PALLD: variants seen among roughly 807,000 people sequenced by gnomAD.
PALLD encodes palladin.
Under a neutral mutation model 123.5 loss-of-function variants are expected in PALLD, and 61 were observed. That is an observed-to-expected ratio of 0.49 (90% CI 0.40 to 0.61). The LOEUF (loss-of-function observed/expected upper bound fraction) is 0.61. PALLD is among the 20% of genes least tolerant of loss of function. The pLI, the probability that PALLD is intolerant of heterozygous loss-of-function variation, is 0.00. For missense variants in PALLD, 1,273 were observed against 1,377.0 expected (o/e 0.92, Z 1.20); for synonymous variants, 465 against 496.4 (o/e 0.94, Z 0.84).
chr4:168,526,326 T>C (rs1026510433), intron 2 of PALLD, among the ~76,000 whole-genome samples: 24 of 152,232 alleles, frequency 1.6e-4, no homozygotes, highest in African/African-American at 5.8e-4. Flanking sequence ...TTTTGATCTT[T>C]CAGATTTTGA....
At chr4:168,907,432 T>C (rs1758028422) in intron 15 of PALLD, among the ~76,000 whole-genome samples, 1 of 152,146 alleles carries the variant, frequency 6.6e-6, no homozygotes, top group African/African-American at 2.4e-5. Flanking sequence ...TTCCATTTTA[T>C]CACCTCCATG....
intron 10 of PALLD, among the ~76,000 whole-genome samples, chr4:168,797,040 A>G (rs1034134394): frequency 1.3e-5 from 2 of 152,156 alleles, no homozygotes; most frequent in Non-Finnish European, 2.9e-5. Context: ...AAACTCACCA[A>G]ATTGAGTTGT....
chr4:168,540,288 A>C (rs1765492614), intron 2 of PALLD, among the ~76,000 whole-genome samples: 1 of 152,210 alleles, frequency 6.6e-6, no homozygotes, highest in Non-Finnish European at 1.5e-5. Flanking sequence ...GGCTCCAAAA[A>C]TAAATTACAG....
In PALLD at chr4:168,504,212, A is replaced by C. The variant is rs1419734876; in HGVS notation, c.-83+7018A>C. 3.3e-5 allele frequency among the ~76,000 whole-genome samples: 5 copies of C among 152,268 alleles called. No individual in the cohort carries two copies. In the East Asian group the frequency reaches 9.6e-4, roughly 29 times the overall value. ...CAGGAAAGGGAAGTAGAAGAAAGGA[A>C]GCATGACTGTAAGATGGGCGAGGCC... On this transcript the variant is annotated intron_variant, in intron 1 of 21. Transcript: ENST00000505667.
chr4:168,576,570 C>A (rs1044715788), intron 2 of PALLD, among the ~76,000 whole-genome samples: 2 of 152,092 alleles, frequency 1.3e-5, no homozygotes, highest in Non-Finnish European at 2.9e-5. Flanking sequence ...ATGAACTCAT[C>A]ATTTTTATGG....
Position 168,926,641 on chromosome 4 carries a change from G to T in PALLD, c.*461G>T. The T allele has an allele frequency of 2.6e-6, 1 of 378,882 alleles. No individual in the cohort carries two copies. Among genetic ancestry groups the T allele is most frequent in the Admixed American group, 4.2e-5 (1 of 23,818 alleles). The allele number at this position is 378,882 out of a possible 1,614,324, so 23.5% of individuals were successfully genotyped here. A position where few individuals can be genotyped will look rare whatever the true frequency, so the allele number is the denominator to read the frequency against. ...ACTTTGGAATTGCTGTGATTAAAGT[G>T]ATCAAAATGCCAAAATACTAAAGGA... On this transcript the variant is annotated 3_prime_UTR_variant, in exon 22 of 22. Coordinates refer to ENST00000505667, the MANE Select transcript of PALLD (RefSeq NM_001166108.2).
At chr4:168,740,417 C>T (rs1788208729) in intron 10 of PALLD, among the ~76,000 whole-genome samples, 1 of 152,160 alleles carries the variant, frequency 6.6e-6, no homozygotes, top group Admixed American at 6.5e-5. Flanking sequence ...TGAAAAACTA[C>T]ATTAAAAATC....
chr4:168,826,721 C>T (rs1456285820), intron 10 of PALLD, among the ~76,000 whole-genome samples: 1 of 152,188 alleles, frequency 6.6e-6, no homozygotes. Flanking sequence ...TGCTACATAC[C>T]AAACAGTATG....
chr4:168,722,972 G>A (rs568446427), intron 10 of PALLD, among the ~76,000 whole-genome samples: 1 of 152,280 alleles, frequency 6.6e-6, no homozygotes, highest in Admixed American at 6.5e-5. Context: ...GAGAAAATAT[G>A]GAGAGGGAGC....
At chr4:168,830,231 C>T (rs1158306570) in intron 10 of PALLD, among the ~76,000 whole-genome samples, 1 of 73,240 alleles carries the variant, frequency 1.4e-5, no homozygotes, top group Admixed American at 1.5e-4. Context: ...GACTTTGTCT[C>T]AAAAAAAAAA....
chr4:168,562,593 G>A (rs1166101255), intron 2 of PALLD, among the ~76,000 whole-genome samples: 1 of 152,142 alleles, frequency 6.6e-6, no homozygotes, highest in African/African-American at 2.4e-5. Context: ...GTGTGGTCAG[G>A]GGAGATCTCC....
At chr4:168,916,641 T>A (rs1315037614) in intron 17 of PALLD, among the ~76,000 whole-genome samples, 2 of 151,916 alleles carry the variant, frequency 1.3e-5, no homozygotes, top group African/African-American at 2.4e-5. Context: ...AAATTTTGTA[T>A]CCATATATCT....
rs145634095 is a variant in PALLD, at chr4:168,778,198, A to C, written c.1964+66275A>C. Among the ~76,000 whole-genome samples, 236 of 152,236 alleles carry C rather than the reference A, an allele frequency of 1.6e-3. 1 individual carries two copies. The highest frequency in any genetic ancestry group is 6.4e-3 in the East Asian group (33 of 5,188). Reference sequence around the variant, plus strand: ...AAATATTCCAGCCTCAACTTTTGAAAAAGAAAAAGCAGAATGTTTTTAGTA... The same window carrying C: ...AAATATTCCAGCCTCAACTTTTGAACAAGAAAAAGCAGAATGTTTTTAGTA... On this transcript the variant is annotated intron_variant, in intron 10 of 21. Coordinates refer to ENST00000505667, the MANE Select transcript of PALLD (RefSeq NM_001166108.2).
chr4:168,900,923 C>T (rs1756376780), intron 14 of PALLD, among the ~76,000 whole-genome samples: 1 of 152,158 alleles, frequency 6.6e-6, no homozygotes, highest in Admixed American at 6.5e-5. Context: ...AAACCTTACA[C>T]AAGGCTTAAG....
chr4:168,666,553 A>G (rs1303352479), intron 2 of PALLD, among the ~76,000 whole-genome samples: 2 of 152,232 alleles, frequency 1.3e-5, no homozygotes, highest in Admixed American at 6.5e-5. Context: ...ACAGAAAAGT[A>G]GGCAGGTAAT....
chr4:168,606,515 A>C (rs1426357532), intron 2 of PALLD, among the ~76,000 whole-genome samples: 1 of 152,116 alleles, frequency 6.6e-6, no homozygotes. Flanking sequence ...TCTACTAAAA[A>C]TACAAAAAAT....
Position 168,629,017 on chromosome 4 carries a change from AT to A in PALLD, c.909-39157del, listed in dbSNP as rs550846487. Among the ~76,000 whole-genome samples, 731 of 139,662 alleles carry A rather than the reference AT, an allele frequency of 5.2e-3. 2 individuals are homozygous for A. The highest frequency in any genetic ancestry group is 0.02 in the East Asian group (97 of 4,840). 91.6% of individuals were successfully genotyped at this position (139,662 alleles called of 152,430 possible). ...GCCCAGTTATTGTTCTGCCTATAGT[AT>A]TTTTTTTTTTTTTTTGAGATGGAGT... On this transcript the variant is annotated intron_variant, in intron 2 of 21. Transcript: ENST00000505667.
intron 10 of PALLD, among the ~76,000 whole-genome samples, chr4:168,835,039 C>T (rs190328948): frequency 6.6e-5 from 10 of 152,316 alleles, no homozygotes; most frequent in East Asian, 1.9e-4. Flanking sequence ...AAATTATTAG[C>T]GTGTTCCAAC....
At chr4:168,556,985 C>G (rs112180425) in intron 2 of PALLD, among the ~76,000 whole-genome samples, 3 of 151,842 alleles carry the variant, frequency 2.0e-5, no homozygotes, top group African/African-American at 4.8e-5. Context: ...CAGCCTCCCC[C>G]GGGAACTGTC....
Sources: gnomAD v4.1 joint callset for allele counts (sites outside exome capture counted in the v4.1 genomes callset) on GRCh38, gnomAD v4.1.1 for gene constraint, MANE v1.5 for transcripts, NCBI Gene and HGNC (gene_info 2026-07-23, HGNC 2026-07-21) for gene names.